Variants in ZC3H11A observed in about 807,000 individuals in gnomAD.
ZC3H11A encodes zinc finger CCCH-type containing 11A, also known as zinc finger CCCH domain-containing protein 11A.
Under a neutral mutation model 90.8 loss-of-function variants are expected in ZC3H11A, and 22 were observed. That is an observed-to-expected ratio of 0.24 (90% confidence interval 0.17 to 0.35). ZC3H11A has a LOEUF of 0.35. ZC3H11A is among the 10% of genes least tolerant of loss of function. The pLI is 1.00. For synonymous variants in ZC3H11A, 294 were observed against 339.8 expected (o/e 0.87, Z 1.48); for missense variants, 701 against 964.9 (o/e 0.73, Z 3.62).
intron 11 of ZC3H11A, 96 bp from the exon 12 acceptor site, chr1:203,840,210 A>T (rs1332807808): frequency 2.4e-6 from 3 of 1,233,212 alleles, no homozygotes; most frequent in Non-Finnish European, 3.5e-6. Context: ...AAGTTCTGGG[A>T]TTACAGGTGT....
intron 2 of ZC3H11A, among the ~76,000 whole-genome samples, chr1:203,816,357 G>A (rs1676377097): frequency 6.6e-6 from 1 of 152,082 alleles, no homozygotes; most frequent in Admixed American, 6.6e-5. Context: ...GGGCGGGATG[G>A]CTCACACCTA....
intron 11 of ZC3H11A, among the ~76,000 whole-genome samples, chr1:203,838,326 CAG>C (rs1362924796): frequency 6.6e-5 from 10 of 152,078 alleles, no homozygotes; most frequent in African/African-American, 2.4e-4. Flanking sequence ...AATTTTGTAA[CAG>C]AGAAAAGTAC....
chr1:203,822,823 C>T (rs1437738264), intron 4 of ZC3H11A, among the ~76,000 whole-genome samples: 1 of 152,168 alleles, frequency 6.6e-6, no homozygotes, highest in Non-Finnish European at 1.5e-5. Context: ...CTCCAATACC[C>T]TGCTCTGGGC....
intron 4 of ZC3H11A, 124 bp from the exon 5 acceptor site, chr1:203,828,175 A>G (rs905758061): frequency 3.7e-6 from 4 of 1,075,234 alleles, no homozygotes; most frequent in Non-Finnish European, 5.4e-6. Context: ...CCTTCTAAAA[A>G]TCATCTCATC....
intron 2 of ZC3H11A, among the ~76,000 whole-genome samples, chr1:203,811,143 CAAAAA>C (rs535589700): frequency 2.7e-5 from 2 of 73,628 alleles, no homozygotes; most frequent in Non-Finnish European, 2.9e-5. Flanking sequence ...AACTCTGTCA[CAAAAA>C]AAAAAAAAAA....
chr1:203,821,360 A>C (rs1263980567), intron 4 of ZC3H11A, among the ~76,000 whole-genome samples: 1 of 152,072 alleles, frequency 6.6e-6, no homozygotes, highest in African/African-American at 2.4e-5. Context: ...CTTTATAGCA[A>C]TGTGAAAATG....
intron 2 of ZC3H11A, among the ~76,000 whole-genome samples, chr1:203,810,666 G>A (rs1001324528): frequency 1.3e-5 from 2 of 152,042 alleles, no homozygotes; most frequent in African/African-American, 2.4e-5. Flanking sequence ...TGATCCACCC[G>A]CCTCGGACTC....
chr1:203,844,391 C>T (rs576040423), intron 12 of ZC3H11A, among the ~76,000 whole-genome samples: 2 of 151,656 alleles, frequency 1.3e-5, no homozygotes, highest in East Asian at 3.9e-4. Flanking sequence ...AACTCCTGAT[C>T]TGCCTCACCT....
At chr1:203,834,014 T>C in intron 10 of ZC3H11A, 161 bp downstream of exon 10, 1 of 1,293,608 alleles carries the variant, frequency 7.7e-7, no homozygotes, top group Non-Finnish European at 9.8e-7. Flanking sequence ...ATTATACCTT[T>C]TATTGAAGAT....
intron 14 of ZC3H11A, among the ~76,000 whole-genome samples, chr1:203,848,683 T>A (rs1054114808): frequency 6.6e-6 from 1 of 152,148 alleles, no homozygotes; most frequent in Admixed American, 6.5e-5. Context: ...GTCAGGAGAT[T>A]GAGACCGTCC....
chr1:203,799,242 A>G (rs1460729650), intron 1 of ZC3H11A: 1 of 844,716 alleles, frequency 1.2e-6, no homozygotes, highest in Non-Finnish European at 1.9e-6. Flanking sequence ...ACATGCAATC[A>G]AAGATGGTGG....
At position 203,817,063 on chromosome 1, in the gene ZC3H11A, T is replaced by C. The variant is rs1676606634; in HGVS notation, c.-8T>C. ...AGAAGCCACTTCTGATCTAAGAATC[T>C]ACCCAGCATGCCTAATCAAGGAGAA... On this transcript the variant is annotated 5_prime_UTR_variant, in exon 3 of 18. Coordinates refer to ENST00000367210, the MANE Select transcript of ZC3H11A (RefSeq NM_001376342.1). The C allele has an allele frequency of 1.9e-6, 3 of 1,603,232 alleles. No individual in the cohort carries two copies. Among genetic ancestry groups the C allele is most frequent in the Non-Finnish European group, 2.6e-6 (3 of 1,175,940 alleles).
At chr1:203,806,031 G>T (rs1400859776) in intron 2 of ZC3H11A, 4 of 542,002 alleles carry the variant, frequency 7.4e-6, no homozygotes, top group Non-Finnish European at 1.4e-5. Context: ...GGGTGCGATT[G>T]TCCTGCTGCT....
chr1:203,814,652 G>A (rs895485487), intron 2 of ZC3H11A, among the ~76,000 whole-genome samples: 4 of 151,994 alleles, frequency 2.6e-5, no homozygotes, highest in Admixed American at 6.6e-5. Context: ...TTTCTTCTAG[G>A]CCTTTTCTAT....
chr1:203,828,464 C>T, intron 5 of ZC3H11A, 42 bp downstream of exon 5: 2 of 1,564,520 alleles, frequency 1.3e-6, no homozygotes, highest in Non-Finnish European at 1.7e-6. Context: ...CAAATGAACA[C>T]CTATTATGCA....
chr1:203,852,891 T>G lies in ZC3H11A; in HGVS notation c.*492T>G, dbSNP rs1572394321. On this transcript the variant is annotated 3_prime_UTR_variant, in exon 18 of 18. Coordinates refer to ENST00000367210, the MANE Select transcript of ZC3H11A (RefSeq NM_001376342.1). ...CACTCAGTCTGTGTTAAATTGTATG[T>G]CTTTTTAAAGGTATTTAAAGATTCA... 5.9e-6 allele frequency: 1 copy of G among 169,276 alleles called. No homozygotes were observed. Among genetic ancestry groups the G allele is most frequent in the South Asian group, 1.4e-4 (1 of 7,246 alleles). The allele number at this position is 169,276 out of a possible 1,614,324, so 10.5% of individuals were successfully genotyped here.
Position 203,825,090 on chromosome 1 carries a change from A to AG in ZC3H11A, c.175-3209_175-3208insG, listed in dbSNP as rs981247603. On this transcript the variant is annotated intron_variant, in intron 4 of 17. Transcript: ENST00000367210. ...AGACTCCGTCTCAAAAAAAAAAAAA[A>AG]AAAAAGAAAATAGATGTTAGATAAG... Among the ~76,000 whole-genome samples, 7 of 151,742 alleles carry AG rather than the reference A, an allele frequency of 4.6e-5. 1 individual carries two copies. The Middle Eastern group carries it at 0.01, about 221-fold the overall frequency.
rs1002778423 is a variant in ZC3H11A, at chr1:203,800,695, G to A, written c.-1587-880G>A. The A allele has an allele frequency of 1.4e-5, 5 of 356,584 alleles. No individual in the cohort carries two copies. The South Asian group carries it at 4.0e-4, about 28-fold the overall frequency. 22.1% of individuals were successfully genotyped at this position (356,584 alleles called of 1,614,324 possible). A position where few individuals can be genotyped will look rare whatever the true frequency, so the allele number is the denominator to read the frequency against. ...AAATTTTGCTTATACCAATGAGAGA[G>A]AAGATATTTTTAATTAAAAAAAATA... is the stretch of plus-strand genomic sequence containing the variant. On this transcript the variant is annotated intron_variant, in intron 1 of 17. Coordinates refer to ENST00000367210, the MANE Select transcript of ZC3H11A (RefSeq NM_001376342.1).
chr1:203,811,906 C>G (rs1674618692), intron 2 of ZC3H11A, among the ~76,000 whole-genome samples: 1 of 151,746 alleles, frequency 6.6e-6, no homozygotes, highest in Non-Finnish European at 1.5e-5. Context: ...ACCTCCACCT[C>G]CTGTGTTCAA....
Sources: allele counts gnomAD v4.1 joint callset (sites outside exome capture counted in the v4.1 genomes callset), GRCh38; gene constraint gnomAD v4.1.1; transcripts MANE v1.5; gene names NCBI Gene and HGNC (gene_info 2026-07-23, HGNC 2026-07-21).